Variants in NDC1 observed in about 807,000 individuals in gnomAD.
NDC1 encodes the protein nucleoporin NDC1.
A neutral mutation model predicts 89.8 loss-of-function variants in NDC1; 24 were observed. The observed-to-expected ratio is 0.27, with a 90% CI of 0.19 to 0.38. The LOEUF (loss-of-function observed/expected upper bound fraction) is 0.38. Among genes scored for constraint, NDC1 ranks in the 10% least tolerant of loss-of-function variants. NDC1 has a pLI of 1.00. For missense variants in NDC1, 728 were observed against 797.6 expected, an observed-to-expected ratio of 0.91 and a Z score of 1.05; for synonymous variants, 296 against 284.8, an observed-to-expected ratio of 1.04 and a Z score of -0.39.
intron 5 of NDC1, 100 bp downstream of exon 5, chr1:53,825,698 A>T: frequency 9.9e-7 from 1 of 1,011,684 alleles, no homozygotes; most frequent in Non-Finnish European, 1.4e-6. Context: ...TTGGTTATCA[A>T]ATCTTGAATG....
chr1:53,804,197 C>CT (rs1648025763), intron 9 of NDC1, among the ~76,000 whole-genome samples, 188 bp from the exon 10 acceptor site: 1 of 152,138 alleles, frequency 6.6e-6, no homozygotes, highest in Non-Finnish European at 1.5e-5. Context: ...TCCCTACCTA[C>CT]TACAAGTTCT....
At chr1:53,792,911 A>G (rs1647568543) in intron 14 of NDC1, among the ~76,000 whole-genome samples, 1 of 152,252 alleles carries the variant, frequency 6.6e-6, no homozygotes, top group Non-Finnish European at 1.5e-5. Context: ...AAGAAGCACC[A>G]GATAGCCACA....
chr1:53,786,240 C>G (rs1647305721), intron 16 of NDC1, among the ~76,000 whole-genome samples: 1 of 152,076 alleles, frequency 6.6e-6, no homozygotes, highest in Admixed American at 6.6e-5. Context: ...GATGCCATCT[C>G]TAAATGCCTC....
In NDC1 at chr1:53,796,915, C is replaced by A; in HGVS notation, c.1452G>T (p.Leu484Phe). ...SPQLIRRGPR[L>F]WTSASDQQMT... ...AATTCTCACCAGAAGCTGATGTCCA[C>A]AATCTTGGCCCCCTTCTTATTAGCT... is the stretch of plus-strand genomic sequence containing the variant. Residue 484 changes from leucine (L) to phenylalanine (F), a missense_variant, in exon 12 of 18, where the codon TTG (leucine) becomes TTT (phenylalanine). Coordinates refer to ENST00000371429, the MANE Select transcript of NDC1 (RefSeq NM_018087.5). 6.2e-7 allele frequency: 1 copy of A among 1,614,072 alleles called. No homozygotes were observed. The highest frequency in any genetic ancestry group is 8.5e-7 in the Non-Finnish European group (1 of 1,180,006).
rs1648556105 is a variant in NDC1, at chr1:53,818,580, C to G, written c.703+391G>C. ...ACCCACTGAACAACTCCACCCCTTC[C>G]CAACTCTCCAGGCTGACAACCACCA... On this transcript the variant is annotated intron_variant, in intron 6 of 17. Coordinates refer to ENST00000371429, the MANE Select transcript of NDC1 (RefSeq NM_018087.5). Among the ~76,000 whole-genome samples, 4 of 152,146 alleles carry G rather than the reference C, an allele frequency of 2.6e-5. No individual in the cohort carries two copies. In the South Asian group the frequency reaches 8.3e-4, roughly 32 times the overall value.
chr1:53,775,955 CTTTT>C (rs1204999638), intron 16 of NDC1, among the ~76,000 whole-genome samples: 2 of 135,628 alleles, frequency 1.5e-5, no homozygotes, highest in Non-Finnish European at 1.6e-5. Context: ...TCTGAAATTC[CTTTT>C]TTTTTTTTTT....
chr1:53,800,332 C>CTTTTTTTTTTTTTTT (rs1158363485), intron 11 of NDC1, among the ~76,000 whole-genome samples: 1 of 80,646 alleles, frequency 1.2e-5, no homozygotes. Context: ...CTACAGTCAT[C>CTTTTTTTTTTTTTTT]TTTTTTTTTT....
Position 53,819,064 on chromosome 1 carries a change from G to T in NDC1, c.610C>A (p.Arg204Ser). Residue 204 changes from arginine (R) to serine (S), a missense_variant, in exon 6 of 18, where the codon CGT becomes AGT. Coordinates refer to ENST00000371429, the MANE Select transcript of NDC1 (RefSeq NM_018087.5). ...FPIIQQYKFLRFRRSLLLLVK... is the reference protein window; with the variant it reads ...FPIIQQYKFLSFRRSLLLLVK... ...AATAAGAGCAGAGATCTCCTAAAAC[G>T]CAAGAACTTGTATTGCTGTGGGGAA... 1.3e-6 allele frequency: 2 copies of T among 1,550,986 alleles called. No individual in the cohort carries two copies. Among genetic ancestry groups the T allele is most frequent in the East Asian group, 2.3e-5 (1 of 44,058 alleles).
Position 53,809,825 on chromosome 1 carries a change from A to G in NDC1, c.704-79T>C, listed in dbSNP as rs1296906590. 4 of 1,033,204 alleles carry G rather than the reference A, an allele frequency of 3.9e-6. No individual in the cohort carries two copies. In the African/African-American group the frequency reaches 6.3e-5, roughly 16 times the overall value. 64.0% of individuals were successfully genotyped at this position (1,033,204 alleles called of 1,614,324 possible). A position where few individuals can be genotyped will look rare whatever the true frequency, so the allele number is the denominator to read the frequency against. Reference sequence around the variant, plus strand: ...AGTCAAGCTTTAGAATATAAGGTCAATGACATGGCCACACAGACACCAAGA... The same window carrying G: ...AGTCAAGCTTTAGAATATAAGGTCAGTGACATGGCCACACAGACACCAAGA... On this transcript the variant is annotated intron_variant, in intron 6 of 17. Coordinates refer to ENST00000371429, the MANE Select transcript of NDC1 (RefSeq NM_018087.5).
intron 16 of NDC1, among the ~76,000 whole-genome samples, chr1:53,782,511 A>G (rs1647220889): frequency 6.6e-6 from 1 of 152,146 alleles, no homozygotes; most frequent in East Asian, 1.9e-4. Flanking sequence ...GTCAGGAGGG[A>G]GCTGAAAGAC....
chr1:53,819,632 A>T (rs1648595204), intron 5 of NDC1, among the ~76,000 whole-genome samples: 1 of 152,252 alleles, frequency 6.6e-6, no homozygotes, highest in South Asian at 2.1e-4. Context: ...GATAATGCAT[A>T]CTGCCTTTGC....
Position 53,796,788 on chromosome 1 carries a change from T to C in NDC1, c.1485A>G (p.Glu495=). 2 of 1,610,152 alleles carry C rather than the reference T, an allele frequency of 1.2e-6. No homozygotes were observed. Among genetic ancestry groups the C allele is most frequent in the Non-Finnish European group, 1.7e-6 (2 of 1,179,052 alleles). The part of the protein sequence containing the change: ...WTSASDQQMT[E]FSNPSPSTSI... ...AGGTAGATGGAGAAGGATTAGAAAA[T>C]TCAGTCATTTGCTGATCTATTTTTA... The change falls in exon 13 of 18, where the codon GAA becomes GAG. Residue 495 remains glutamate (E), a synonymous_variant. Transcript: ENST00000371429.
At chr1:53,821,681 TAGGGAAGC>T (rs1648674017) in intron 5 of NDC1, among the ~76,000 whole-genome samples, 1 of 152,172 alleles carries the variant, frequency 6.6e-6, no homozygotes, top group Non-Finnish European at 1.5e-5. Flanking sequence ...TCAGAGAGGC[TAGGGAAGC>T]AGGTCGACAT....
intron 14 of NDC1, among the ~76,000 whole-genome samples, chr1:53,791,949 T>C (rs1039838794): frequency 3.3e-5 from 5 of 151,224 alleles, no homozygotes; most frequent in Non-Finnish European, 7.4e-5. Context: ...CCTTCTTCTT[T>C]TTTTTTTTTT....
chr1:53,804,165 C>T (rs1648024123), intron 9 of NDC1, among the ~76,000 whole-genome samples, 156 bp from the exon 10 acceptor site: 1 of 151,980 alleles, frequency 6.6e-6, no homozygotes, highest in Admixed American at 6.5e-5. Context: ...TCTAGACTTC[C>T]AGAACTTTCC....
chr1:53,817,139 G>C (rs565845183), intron 6 of NDC1, among the ~76,000 whole-genome samples: 1 of 152,122 alleles, frequency 6.6e-6, no homozygotes, highest in Non-Finnish European at 1.5e-5. Flanking sequence ...CCACTACTGC[G>C]TATCTACTCA....
rs1417388123 is a variant in NDC1, at chr1:53,819,388, A to AT, written c.595-310dup. Among the ~76,000 whole-genome samples the AT allele has an allele frequency of 5.3e-5, 8 of 152,278 alleles. No homozygotes were observed. The East Asian group carries it at 1.5e-3, about 29-fold the overall frequency. ...AAACACAGTAACAATAGCAGCTAAC[A>AT]TTTTTTTGTTGCTTACCATGTACCA... On this transcript the variant is annotated intron_variant, in intron 5 of 17. Coordinates refer to ENST00000371429, the MANE Select transcript of NDC1 (RefSeq NM_018087.5).
chr1:53,832,388 A>T, intron 3 of NDC1, 102 bp downstream of exon 3: 1 of 637,944 alleles, frequency 1.6e-6, no homozygotes, highest in Non-Finnish European at 2.8e-6. Context: ...ATACGTTTTT[A>T]AATTTTTGAC....
At chr1:53,768,119 C>A in intron 17 of NDC1, 86 bp from the exon 18 acceptor site, 1 of 775,860 alleles carries the variant, frequency 1.3e-6, no homozygotes, top group Non-Finnish European at 1.9e-6. Flanking sequence ...CAATATTTTT[C>A]AAAACAATTA....
Sources: allele counts gnomAD v4.1 joint callset (sites outside exome capture counted in the v4.1 genomes callset), GRCh38; gene constraint gnomAD v4.1.1; transcripts MANE v1.5; gene names NCBI Gene and HGNC (gene_info 2026-07-23, HGNC 2026-07-21).